MS4A4E: variants seen among roughly 807,000 people sequenced by gnomAD.
The protein encoded by MS4A4E is membrane spanning 4-domains A4E.
A neutral mutation model predicts 13.3 loss-of-function variants in MS4A4E; 23 were observed. The observed-to-expected ratio is 1.73, with a 90% confidence interval of 1.25 to 2.45. MS4A4E has a LOEUF of 2.45. Among genes scored for constraint, MS4A4E ranks in the 30% most tolerant of loss-of-function variants. The pLI is 0.00. For missense variants in MS4A4E, 144 were observed against 131.2 expected (o/e 1.10, Z -0.48); for synonymous variants, 36 against 45.6 (o/e 0.79, Z 0.85).
chr11:60,228,593 C>A lies in MS4A4E; in HGVS notation c.178+1G>T. 2.9e-6 allele frequency: 2 copies of A among 698,034 alleles called. No individual in the cohort carries two copies. The highest frequency in any genetic ancestry group is 5.2e-6 in the Non-Finnish European group (2 of 382,802). The allele number at this position is 698,034 out of a possible 1,614,324, so 43.2% of individuals were successfully genotyped here. Reference sequence around the variant, plus strand: ...CAATACAATATAGTAATCATACTTACCCGAATGAGTTGAAAACTTATGTCC... The same window carrying A: ...CAATACAATATAGTAATCATACTTAACCGAATGAGTTGAAAACTTATGTCC... On this transcript the variant is annotated splice_donor_variant, in intron 3 of 8. Transcript: ENST00000651255. LOFTEE classifies it high-confidence loss of function.
intron 1 of MS4A4E, among the ~76,000 whole-genome samples, chr11:60,242,183 A>G: frequency 6.6e-6 from 1 of 152,208 alleles, no homozygotes; most frequent in East Asian, 1.9e-4. Context: ...GGCCTGGGCT[A>G]GGAACCAAGA....
At chr11:60,239,491 G>A (rs1351023278) in intron 1 of MS4A4E, among the ~76,000 whole-genome samples, 3 of 152,162 alleles carry the variant, frequency 2.0e-5, no homozygotes, top group African/African-American at 7.2e-5. Flanking sequence ...TGGGGGAAGT[G>A]AAAAAGCAGA....
At chr11:60,206,283 C>G (rs1432502218) in intron 6 of MS4A4E, among the ~76,000 whole-genome samples, 1 of 151,648 alleles carries the variant, frequency 6.6e-6, no homozygotes, top group Non-Finnish European at 1.5e-5. Flanking sequence ...GCTTCCAAAT[C>G]TTATTTGCCA....
chr11:60,229,208 T>C (rs934905197), intron 2 of MS4A4E, among the ~76,000 whole-genome samples: 3 of 152,248 alleles, frequency 2.0e-5, no homozygotes, highest in Admixed American at 1.3e-4. Flanking sequence ...AAACATACAG[T>C]ATATTTTAAA....
At chr11:60,211,650 C>T (rs1352969828) in intron 5 of MS4A4E, among the ~76,000 whole-genome samples, 1 of 152,208 alleles carries the variant, frequency 6.6e-6, no homozygotes, top group African/African-American at 2.4e-5. Flanking sequence ...CAGTGGCTCA[C>T]ACCTGTAATC....
chr11:60,237,894 G>A (rs904782760), intron 1 of MS4A4E, among the ~76,000 whole-genome samples: 1 of 152,040 alleles, frequency 6.6e-6, no homozygotes, highest in Non-Finnish European at 1.5e-5. Flanking sequence ...ATCATAAAAA[G>A]TATTGGATTT....
At chr11:60,219,021 TG>T (rs2084232122) in intron 3 of MS4A4E, among the ~76,000 whole-genome samples, 1 of 152,136 alleles carries the variant, frequency 6.6e-6, no homozygotes, top group Non-Finnish European at 1.5e-5. Context: ...CCACTGTGGG[TG>T]AGCTGAAAAT....
chr11:60,221,831 G>T (rs995309655), intron 3 of MS4A4E, among the ~76,000 whole-genome samples: 3 of 152,182 alleles, frequency 2.0e-5, no homozygotes, highest in African/African-American at 7.2e-5. Context: ...TCATGTGAGT[G>T]CTTATCAAAC....
chr11:60,204,357 T>C lies in MS4A4E; in HGVS notation c.659+533A>G, dbSNP rs72920806. 6.1e-3 allele frequency among the ~76,000 whole-genome samples: 918 copies of C among 149,768 alleles called. 7 individuals carry two copies. The highest frequency in any genetic ancestry group is 9.8e-3 in the Non-Finnish European group (663 of 67,622). On this transcript the variant is annotated intron_variant, in intron 8 of 8. Transcript: ENST00000651255. Reference sequence around the variant, plus strand: ...GACTTGGAGATGCAAAGGATTTTGCTAGGGTCTGATCCTTCACTTGGCGCT... The same window carrying C: ...GACTTGGAGATGCAAAGGATTTTGCCAGGGTCTGATCCTTCACTTGGCGCT...
chr11:60,229,844 G>T, intron 2 of MS4A4E, 68 bp downstream of exon 2: 1 of 1,476,272 alleles, frequency 6.8e-7, no homozygotes, highest in Non-Finnish European at 9.2e-7. Context: ...AGTGTATTGG[G>T]CATTAGCTCT....
chr11:60,206,512 T>TGTGTATATATATACACAC (rs1554983301), intron 6 of MS4A4E, among the ~76,000 whole-genome samples: 5 of 98,342 alleles, frequency 5.1e-5, no homozygotes, highest in African/African-American at 1.9e-4. Context: ...TATATATATA[T>TGTGTATATATATACACAC]ACACACACAC....
chr11:60,206,512 T>C lies in MS4A4E; in HGVS notation c.484-692A>G, dbSNP rs10897015. Among the ~76,000 whole-genome samples, 301 of 98,274 alleles carry C rather than the reference T, an allele frequency of 3.1e-3. 26 individuals carry two copies. The highest frequency in any genetic ancestry group is 0.015 in the Middle Eastern group (3 of 202). 64.5% of individuals were successfully genotyped at this position (98,274 alleles called of 152,430 possible). ...ATGTATATATATACGTATATATATA[T>C]ACACACACACACACACAGAGGTCAT... On this transcript the variant is annotated intron_variant, in intron 6 of 8. Coordinates refer to ENST00000651255, the MANE Select transcript of MS4A4E (RefSeq NM_001393391.1).
intron 7 of MS4A4E, among the ~76,000 whole-genome samples, 153 bp downstream of exon 7, chr11:60,205,561 G>A (rs539447314): frequency 6.5e-4 from 99 of 152,242 alleles, no homozygotes; most frequent in African/African-American, 2.4e-3. Flanking sequence ...AGGTCTATGG[G>A]CCAGACAATA....
intron 3 of MS4A4E, among the ~76,000 whole-genome samples, chr11:60,217,300 G>C (rs2084208938): frequency 6.6e-6 from 1 of 152,202 alleles, no homozygotes; most frequent in Non-Finnish European, 1.5e-5. Context: ...GGTGTCTACT[G>C]TTAAAGCGAG....
intron 4 of MS4A4E, 74 bp from the exon 5 acceptor site, chr11:60,213,206 G>T: frequency 8.0e-7 from 1 of 1,256,088 alleles, no homozygotes; most frequent in Non-Finnish European, 1.1e-6. Flanking sequence ...ACTTTACACT[G>T]CTGTCTACCT....
chr11:60,202,949 C>T (rs1161733319), intron 8 of MS4A4E, among the ~76,000 whole-genome samples: 5 of 152,134 alleles, frequency 3.3e-5, no homozygotes, highest in Non-Finnish European at 7.4e-5. Context: ...AAATTTGAAA[C>T]AGTAATATTA....
At chr11:60,213,704 T>C (rs2084154250) in intron 4 of MS4A4E, among the ~76,000 whole-genome samples, 2 of 152,224 alleles carry the variant, frequency 1.3e-5, no homozygotes, top group South Asian at 2.1e-4. Context: ...TTGATATTTA[T>C]CTTTTGAACA....
intron 3 of MS4A4E, among the ~76,000 whole-genome samples, chr11:60,225,687 G>T (rs985174935): frequency 1.3e-5 from 2 of 151,806 alleles, no homozygotes; most frequent in African/African-American, 4.8e-5. Flanking sequence ...AACATTGAAT[G>T]AATATATTAG....
intron 8 of MS4A4E, among the ~76,000 whole-genome samples, chr11:60,202,295 A>G (rs1457373093): frequency 6.6e-6 from 1 of 152,258 alleles, no homozygotes. Flanking sequence ...AATTGTTGCT[A>G]TATTTCCACA....
Sources: allele counts gnomAD v4.1 joint callset (sites outside exome capture counted in the v4.1 genomes callset), GRCh38; gene constraint gnomAD v4.1.1; transcripts MANE v1.5; gene names NCBI Gene and HGNC (gene_info 2026-07-23, HGNC 2026-07-21).